Variants in NRXN1 observed in about 807,000 individuals in gnomAD.
NRXN1 encodes neurexin-1.
In NRXN1, 39 loss-of-function variants were observed where a neutral mutation model predicts 150.9. The observed-to-expected ratio is 0.26, with a 90% CI of 0.20 to 0.34. The LOEUF is 0.34. NRXN1 is among the 10% of genes least tolerant of loss of function. The probability of loss-of-function intolerance (pLI) is 1.00; values close to 1 mark genes in which losing one functional copy is unlikely to be tolerated. For synonymous variants in NRXN1, 924 were observed against 757.0 expected (o/e 1.22, Z -3.62); for missense variants, 1,815 against 1,949.9 (o/e 0.93, Z 1.30).
intron 5 of NRXN1, among the ~76,000 whole-genome samples, chr2:50,742,309 C>G (rs745962266): frequency 2.4e-4 from 37 of 151,624 alleles, no homozygotes; most frequent in African/African-American, 1.9e-4. Context: ...TAAATTGCCA[C>G]TTATACATAG....
At chr2:50,977,018 A>G (rs1340570278) in intron 2 of NRXN1, among the ~76,000 whole-genome samples, 1 of 152,042 alleles carries the variant, frequency 6.6e-6, no homozygotes, top group Non-Finnish European at 1.5e-5. Context: ...TGTTCTTAGA[A>G]TTAGCACTTC....
chr2:50,449,322 T>C (rs1301560200), intron 17 of NRXN1, among the ~76,000 whole-genome samples: 3 of 152,226 alleles, frequency 2.0e-5, no homozygotes, highest in Admixed American at 2.0e-4. Context: ...TCTCATTTAC[T>C]AAACAAGTTA....
At chr2:50,671,082 T>C (rs1385687132) in intron 5 of NRXN1, among the ~76,000 whole-genome samples, 1 of 151,886 alleles carries the variant, frequency 6.6e-6, no homozygotes, top group Non-Finnish European at 1.5e-5. Flanking sequence ...TTTAATGGTA[T>C]CTTTTTTGTA....
chr2:50,873,051 G>C (rs1005213113), intron 5 of NRXN1, among the ~76,000 whole-genome samples: 14 of 151,882 alleles, frequency 9.2e-5, no homozygotes, highest in Admixed American at 6.6e-4. Context: ...CTAAAAGTTA[G>C]ATCACAGACA....
At position 50,420,398 on chromosome 2, in the gene NRXN1, T is replaced by TAC. The variant is rs137996743; in HGVS notation, c.3364+45042_3364+45043dup. On this transcript the variant is annotated intron_variant, in intron 17 of 22. Coordinates refer to ENST00000401669, the MANE Select transcript of NRXN1 (RefSeq NM_001330078.2). ...ATTGTAATACACACATACATACATG[T>TAC]ACACACACACACACACATACACACA... Among the ~76,000 whole-genome samples the TAC allele has an allele frequency of 2.2e-3, 325 of 149,532 alleles. 1 individual carries two copies. The highest frequency in any genetic ancestry group is 3.8e-3 in the South Asian group (18 of 4,736).
At chr2:50,777,965 T>C (rs1386580108) in intron 5 of NRXN1, among the ~76,000 whole-genome samples, 1 of 152,174 alleles carries the variant, frequency 6.6e-6, no homozygotes, top group African/African-American at 2.4e-5. Flanking sequence ...TCATTTCCAT[T>C]TCTCCTGATA....
intron 9 of NRXN1, among the ~76,000 whole-genome samples, chr2:50,551,941 T>G (rs1165372006): frequency 6.6e-6 from 1 of 152,152 alleles, no homozygotes; most frequent in African/African-American, 2.4e-5. Flanking sequence ...TAAATGTGAT[T>G]TCTTCGGAGA....
intron 8 of NRXN1, among the ~76,000 whole-genome samples, chr2:50,598,597 C>T (rs919684156): frequency 1.3e-4 from 19 of 144,154 alleles, no homozygotes; most frequent in South Asian, 6.5e-4. Context: ...TGTATATATG[C>T]GCGTGTATAT....
chr2:50,475,316 G>A (rs1367051435), intron 15 of NRXN1, among the ~76,000 whole-genome samples: 2 of 152,002 alleles, frequency 1.3e-5, no homozygotes, highest in South Asian at 2.1e-4. Flanking sequence ...CAGAGTGCCC[G>A]GTACTGGGCT....
At position 50,933,129 on chromosome 2, in the gene NRXN1, T is replaced by C. The variant is rs193193732; in HGVS notation, c.773-7174A>G. Among the ~76,000 whole-genome samples, 5 of 152,282 alleles carry C rather than the reference T, an allele frequency of 3.3e-5. No individual in the cohort carries two copies. The East Asian group carries it at 9.6e-4, about 29-fold the overall frequency. On this transcript the variant is annotated intron_variant, in intron 2 of 22. Coordinates refer to ENST00000401669, the MANE Select transcript of NRXN1 (RefSeq NM_001330078.2). ...TTAGGTCCAGGTTTATAAATGTGTT[T>C]ACCCATGGGCATTCTAACCACTAGA...
At chr2:50,376,385 A>T (rs546867885) in intron 17 of NRXN1, among the ~76,000 whole-genome samples, 1 of 150,334 alleles carries the variant, frequency 6.7e-6, no homozygotes, top group South Asian at 2.1e-4. Flanking sequence ...AAAAAAAGAG[A>T]GGGAAATTAT....
At chr2:50,509,641 G>A (rs896178478) in intron 12 of NRXN1, among the ~76,000 whole-genome samples, 15 of 152,164 alleles carry the variant, frequency 9.9e-5, no homozygotes, top group African/African-American at 3.6e-4. Context: ...TGGTTTAACT[G>A]TTGAAATTTT....
At chr2:50,129,274 T>C (rs1019821666) in intron 18 of NRXN1, among the ~76,000 whole-genome samples, 20 of 152,156 alleles carry the variant, frequency 1.3e-4, no homozygotes, top group African/African-American at 4.3e-4. Context: ...AAAGCTCCTA[T>C]AACTTCTGAT....
intron 19 of NRXN1, among the ~76,000 whole-genome samples, chr2:50,089,631 A>T (rs978536721): frequency 3.3e-5 from 5 of 152,174 alleles, no homozygotes; most frequent in African/African-American, 9.6e-5. Flanking sequence ...CTACAAAAAA[A>T]TTTTAAAAAT....
At chr2:50,314,585 T>C (rs2075439588) in intron 17 of NRXN1, among the ~76,000 whole-genome samples, 1 of 150,660 alleles carries the variant, frequency 6.6e-6, no homozygotes, top group Non-Finnish European at 1.5e-5. Context: ...ATTTTTTAAA[T>C]GCCATTGTTT....
In NRXN1 at chr2:50,539,353, G is replaced by A. The variant is rs151249286; in HGVS notation, c.1760-717C>T. Among the ~76,000 whole-genome samples, 778 of 152,220 alleles carry A rather than the reference G, an allele frequency of 5.1e-3. 4 individuals are homozygous for A. The highest frequency in any genetic ancestry group is 0.012 in the South Asian group (58 of 4,822). On this transcript the variant is annotated intron_variant, in intron 9 of 22. Transcript: ENST00000401669. ...AATTGCTTCCTTATTTGTAAACCAA[G>A]CTAGTTATTTATTTAAATTAACAAG...
chr2:50,272,441 G>C (rs2069818648), intron 17 of NRXN1, among the ~76,000 whole-genome samples: 1 of 152,072 alleles, frequency 6.6e-6, no homozygotes, highest in South Asian at 2.1e-4. Flanking sequence ...AGCTCCCATT[G>C]AACAACTGGA....
At position 50,808,119 on chromosome 2, in the gene NRXN1, T is replaced by C. The variant is rs546063177; in HGVS notation, c.832+113750A>G. Among the ~76,000 whole-genome samples the C allele has an allele frequency of 4.1e-4, 62 of 152,118 alleles. No homozygotes were observed. In the South Asian group the frequency reaches 0.012, roughly 31 times the overall value. ...ATAACTATGAGTGAGGCTGGTAAGG[T>C]AGTGTTTAGGATTCTCCATGTCAGT... On this transcript the variant is annotated intron_variant, in intron 5 of 22. Coordinates refer to ENST00000401669, the MANE Select transcript of NRXN1 (RefSeq NM_001330078.2).
At chr2:50,106,164 T>C (rs1206697036) in intron 18 of NRXN1, among the ~76,000 whole-genome samples, 1 of 151,712 alleles carries the variant, frequency 6.6e-6, no homozygotes, top group Admixed American at 6.6e-5. Context: ...ATTTAAATTG[T>C]TTTATTTTTA....
Sources: gnomAD v4.1 joint callset for allele counts (sites outside exome capture counted in the v4.1 genomes callset) on GRCh38, gnomAD v4.1.1 for gene constraint, MANE v1.5 for transcripts, NCBI Gene and HGNC (gene_info 2026-07-23, HGNC 2026-07-21) for gene names.